The following NALF1 variants were observed in gnomAD, a reference collection of about 807,000 sequenced individuals.
The protein encoded by NALF1 is NALCN channel auxiliary factor 1.
Under a neutral mutation model 48.4 loss-of-function variants are expected in NALF1, and 3 were observed. The observed-to-expected ratio is 0.06, with a 90% CI of 0.03 to 0.16. The LOEUF (loss-of-function observed/expected upper bound fraction) is 0.16. NALF1 is among the 10% of genes least tolerant of loss of function. The pLI is 1.00. For synonymous variants in NALF1, 262 were observed against 245.7 expected (o/e 1.07, Z -0.62); for missense variants, 526 against 571.5 (o/e 0.92, Z 0.81).
At position 107,255,238 on chromosome 13, in the gene NALF1, C is replaced by T. The variant is rs546675144; in HGVS notation, c.916-44483G>A. ...GCAGAAAACACAATCGACTGCTTCC[C>T]GCTTTGCTACCTCTTTGTTCCTTTA... is the stretch of plus-strand genomic sequence containing the variant. On this transcript the variant is annotated intron_variant, in intron 1 of 2. Coordinates refer to ENST00000375915, the MANE Select transcript of NALF1 (RefSeq NM_001080396.3). Among the ~76,000 whole-genome samples, 35 of 152,304 alleles carry T rather than the reference C, an allele frequency of 2.3e-4. No individual in the cohort carries two copies. The South Asian group carries it at 6.0e-3, about 26-fold the overall frequency.
At chr13:107,678,332 G>A (rs1187411796) in intron 1 of NALF1, among the ~76,000 whole-genome samples, 1 of 152,084 alleles carries the variant, frequency 6.6e-6, no homozygotes, top group Non-Finnish European at 1.5e-5. Context: ...GGAATCTCAA[G>A]GTTTCAGTTA....
chr13:107,430,390 T>C (rs1884357501), intron 1 of NALF1, among the ~76,000 whole-genome samples: 1 of 152,104 alleles, frequency 6.6e-6, no homozygotes. Flanking sequence ...GCTACACCCA[T>C]TAACTCGTCA....
At chr13:107,589,307 C>A (rs9559077) in intron 1 of NALF1, among the ~76,000 whole-genome samples, 1 of 151,866 alleles carries the variant, frequency 6.6e-6, no homozygotes, top group Non-Finnish European at 1.5e-5. Flanking sequence ...TTCGGGGTCA[C>A]GAGTGAAGCC....
chr13:107,651,237 G>C (rs1351228751), intron 1 of NALF1, among the ~76,000 whole-genome samples: 3 of 152,140 alleles, frequency 2.0e-5, no homozygotes, highest in Admixed American at 1.3e-4. Context: ...TTGACATTTA[G>C]TCCCGGGCTG....
chr13:107,638,201 A>ATATATATATATATATATATATGTGTATG (rs372122331), intron 1 of NALF1, among the ~76,000 whole-genome samples: 2 of 110,852 alleles, frequency 1.8e-5, no homozygotes, highest in East Asian at 5.2e-4. Context: ...ATATATATAT[A>ATATATATATATATATATATATGTGTATG]TATATAATTT....
chr13:107,288,549 G>A (rs944681772), intron 1 of NALF1, among the ~76,000 whole-genome samples: 1 of 124,940 alleles, frequency 8.0e-6, no homozygotes, highest in Admixed American at 8.7e-5. Flanking sequence ...TTTTGAGATG[G>A]TGTCTCGCTC....
chr13:107,578,366 C>T (rs1235747510), intron 1 of NALF1, among the ~76,000 whole-genome samples: 1 of 152,124 alleles, frequency 6.6e-6, no homozygotes, highest in African/African-American at 2.4e-5. Flanking sequence ...TGGACTAGTC[C>T]TTTTGATGTG....
intron 1 of NALF1, among the ~76,000 whole-genome samples, chr13:107,224,910 A>G (rs943307135): frequency 6.6e-6 from 1 of 152,244 alleles, no homozygotes; most frequent in African/African-American, 2.4e-5. Flanking sequence ...CAACAATAAC[A>G]ACAGAAAGAA....
Position 107,340,444 on chromosome 13 carries a change from CTCTT to C in NALF1, c.916-129693_916-129690del, listed in dbSNP as rs200120384. ...ACATGAGTTACGGCGCCTGACCTTTCTCTTTCTTTCTTTCTTTCTTTCTTCTCTC... is the reference window on the plus strand; with the variant it reads ...ACATGAGTTACGGCGCCTGACCTTTCTCTTTCTTTCTTTCTTTCTTCTCTC... On this transcript the variant is annotated intron_variant, in intron 1 of 2. Transcript: ENST00000375915. Among the ~76,000 whole-genome samples the C allele has an allele frequency of 4.5e-3, 601 of 134,346 alleles. 7 individuals are homozygous for C. Among genetic ancestry groups the C allele is most frequent in the East Asian group, 0.04 (173 of 4,298 alleles). The allele number at this position is 134,346 out of a possible 152,430, so 88.1% of individuals were successfully genotyped here.
Position 107,734,405 on chromosome 13 carries a change from A to ACACAC in NALF1, c.915+131276_915+131277insGTGTG, listed in dbSNP as rs796545795. 1.1e-4 allele frequency among the ~76,000 whole-genome samples: 6 copies of ACACAC among 52,682 alleles called. No individual in the cohort carries two copies. In the South Asian group the frequency reaches 2.1e-3, roughly 19 times the overall value. The allele number at this position is 52,682 out of a possible 152,430, so 34.6% of individuals were successfully genotyped here. On this transcript the variant is annotated intron_variant, in intron 1 of 2. Coordinates refer to ENST00000375915, the MANE Select transcript of NALF1 (RefSeq NM_001080396.3). ...AATCTATGGGTATTTTTCCTTTAAA[A>ACACAC]AAAAACACACACACACACACACACA...
intron 1 of NALF1, among the ~76,000 whole-genome samples, chr13:107,624,982 T>C (rs914443656): frequency 1.3e-5 from 2 of 152,202 alleles, no homozygotes; most frequent in Admixed American, 6.5e-5. Context: ...TGCACAGTTT[T>C]ATTCTCCATA....
At chr13:107,365,790 C>T (rs1883142196) in intron 1 of NALF1, among the ~76,000 whole-genome samples, 1 of 152,222 alleles carries the variant, frequency 6.6e-6, no homozygotes, top group Non-Finnish European at 1.5e-5. Flanking sequence ...TGAGCTACAA[C>T]ATTATCGACT....
At chr13:107,741,238 T>C (rs1876624793) in intron 1 of NALF1, among the ~76,000 whole-genome samples, 1 of 152,226 alleles carries the variant, frequency 6.6e-6, no homozygotes, top group African/African-American at 2.4e-5. Flanking sequence ...CCACTAACTA[T>C]GGAGACCTTC....
chr13:107,450,000 T>C (rs1359174716), intron 1 of NALF1, among the ~76,000 whole-genome samples: 1 of 152,088 alleles, frequency 6.6e-6, no homozygotes, highest in Non-Finnish European at 1.5e-5. Flanking sequence ...AAAGTGTTTG[T>C]GCAGGAAGAG....
chr13:107,713,608 G>A (rs1372187901), intron 1 of NALF1, among the ~76,000 whole-genome samples: 1 of 152,114 alleles, frequency 6.6e-6, no homozygotes, highest in East Asian at 1.9e-4. Flanking sequence ...TTACAAACTG[G>A]TGTTCTTAAC....
At chr13:107,604,161 C>T (rs917843900) in intron 1 of NALF1, among the ~76,000 whole-genome samples, 11 of 152,090 alleles carry the variant, frequency 7.2e-5, no homozygotes, top group Admixed American at 2.0e-4. Flanking sequence ...AAGTCAGTGA[C>T]CTTTAGATCA....
chr13:107,787,829 A>G (rs1364573048), intron 1 of NALF1, among the ~76,000 whole-genome samples: 6 of 152,232 alleles, frequency 3.9e-5, no homozygotes, highest in Non-Finnish European at 7.3e-5. Flanking sequence ...CTGATAAATA[A>G]TAAGTGCATC....
At position 107,743,538 on chromosome 13, in the gene NALF1, G is replaced by C. The variant is rs143040686; in HGVS notation, c.915+122144C>G. Among the ~76,000 whole-genome samples the C allele has an allele frequency of 2.7e-3, 413 of 152,330 alleles. 2 individuals carry two copies. Among genetic ancestry groups the C allele is most frequent in the African/African-American group, 9.4e-3 (391 of 41,582 alleles). ...ACTGTACCTACAAGAATCCGTTAGA[G>C]ATGATATTTAAAGAAAAACAGAAAC... On this transcript the variant is annotated intron_variant, in intron 1 of 2. Coordinates refer to ENST00000375915, the MANE Select transcript of NALF1 (RefSeq NM_001080396.3).
At chr13:107,313,738 C>T (rs764007342) in intron 1 of NALF1, among the ~76,000 whole-genome samples, 4 of 152,130 alleles carry the variant, frequency 2.6e-5, no homozygotes, top group South Asian at 2.1e-4. Flanking sequence ...TCCTCGCACT[C>T]GTAAATTGTA....
Sources: allele counts gnomAD v4.1 joint callset (sites outside exome capture counted in the v4.1 genomes callset), GRCh38; gene constraint gnomAD v4.1.1; transcripts MANE v1.5; gene names NCBI Gene and HGNC (gene_info 2026-07-23, HGNC 2026-07-21).